The following POT1 variants were observed in gnomAD, a reference collection of about 807,000 sequenced individuals.
POT1 encodes protection of telomeres 1.
A neutral mutation model predicts 78.5 loss-of-function variants in POT1; 47 were observed. That is an observed-to-expected ratio of 0.60 (90% confidence interval 0.47 to 0.76). The LOEUF (loss-of-function observed/expected upper bound fraction) is 0.76, where lower values mean the gene tolerates loss of function less well. Ranked by LOEUF, POT1 falls within the 30% of genes least tolerant of loss-of-function variation. The pLI, the probability that POT1 is intolerant of heterozygous loss-of-function variation, is 0.00. For synonymous variants in POT1, 259 were observed against 260.7 expected, an observed-to-expected ratio of 0.99 and a Z score of 0.06; for missense variants, 646 against 749.9, an observed-to-expected ratio of 0.86 and a Z score of 1.62.
chr7:124,835,417 G>A lies in POT1; in HGVS notation c.1370-3C>T. On this transcript the variant is annotated splice_region_variant and splice_polypyrimidine_tract_variant and intron_variant, in intron 14 of 18. Transcript: ENST00000357628. The stretch of plus-strand genomic sequence containing the variant: ...GCAAATTTCACTGAGTGTACCTCCT[G>A]TTAAGAGAATAAATAAATCCTTCAA... The A allele has an allele frequency of 6.2e-7, 1 of 1,609,470 alleles. No homozygotes were observed. The highest frequency in any genetic ancestry group is 8.5e-7 in the Non-Finnish European group (1 of 1,175,924).
intron 2 of POT1, among the ~76,000 whole-genome samples, chr7:124,920,249 A>C (rs1183936705): frequency 6.6e-6 from 1 of 152,168 alleles, no homozygotes; most frequent in Admixed American, 6.5e-5. Context: ...TAATCACCAA[A>C]AGAAAGAAAT....
intron 7 of POT1, among the ~76,000 whole-genome samples, chr7:124,868,678 G>A (rs988465880): frequency 2.0e-5 from 3 of 149,750 alleles, no homozygotes; most frequent in African/African-American, 7.3e-5. Flanking sequence ...ATAATCCTAA[G>A]GAATTGGATT....
At chr7:124,864,495 T>G (rs1396788020) in intron 7 of POT1, among the ~76,000 whole-genome samples, 1 of 152,116 alleles carries the variant, frequency 6.6e-6, no homozygotes, top group Non-Finnish European at 1.5e-5. Context: ...GCTTTTTTGC[T>G]TCTTTGCTTT....
At chr7:124,914,693 T>C (rs957612256) in intron 3 of POT1, among the ~76,000 whole-genome samples, 6 of 152,204 alleles carry the variant, frequency 3.9e-5, no homozygotes, top group African/African-American at 1.4e-4. Flanking sequence ...TTAGATAGCA[T>C]GGACATTGCA....
At chr7:124,912,760 A>T (rs1796921148) in intron 3 of POT1, among the ~76,000 whole-genome samples, 1 of 152,104 alleles carries the variant, frequency 6.6e-6, no homozygotes. Flanking sequence ...GGAAGCACAG[A>T]TGTATTCAGA....
chr7:124,869,305 C>T (rs1187432233), intron 7 of POT1, among the ~76,000 whole-genome samples: 1 of 152,104 alleles, frequency 6.6e-6, no homozygotes, highest in African/African-American at 2.4e-5. Context: ...CTCTTTACTC[C>T]TGTAGCAGGA....
rs59045238 is a variant in POT1, at chr7:124,863,939, T to C, written c.256-299A>G. ...TATCAAGCTTGCAGTTTTACATTTA[T>C]TAGTTTTTTTATTAAGGTGTAATTT... On this transcript the variant is annotated intron_variant, in intron 7 of 18. Coordinates refer to ENST00000357628, the MANE Select transcript of POT1 (RefSeq NM_015450.3). Among the ~76,000 whole-genome samples, 6,776 of 152,178 alleles carry C rather than the reference T, an allele frequency of 0.045. 380 individuals are homozygous for C. The highest frequency in any genetic ancestry group is 0.13 in the African/African-American group (5,204 of 41,508).
At chr7:124,885,374 G>A (rs1796218749) in intron 6 of POT1, among the ~76,000 whole-genome samples, 1 of 151,950 alleles carries the variant, frequency 6.6e-6, no homozygotes, top group African/African-American at 2.4e-5. Flanking sequence ...TAGGGAGGCT[G>A]AGGTGGGAGG....
At position 124,870,981 on chromosome 7, in the gene POT1, A is replaced by C. The variant is rs1795853782; in HGVS notation, c.185T>G (p.Phe62Cys). The C allele has an allele frequency of 1.2e-6, 2 of 1,610,684 alleles. No homozygotes were observed. Among genetic ancestry groups the C allele is most frequent in the Admixed American group, 1.7e-5 (1 of 59,818 alleles). The change falls in exon 7 of 19, where the codon TTT becomes TGT. Residue 62 changes from phenylalanine to cysteine, a missense_variant. By Grantham distance (205) the Phe-to-Cys change is radical. This residue lies in a region of POT1 where 252 missense variants were observed against 341.4 expected (regional missense o/e 0.74). Transcript: ENST00000357628. Reference protein sequence around the residue: ...QTNVKLTCLLFSGNYEALPII... With the variant: ...QTNVKLTCLLCSGNYEALPII... ...TGGAAGGGCTTCATAGTTTCCACTAAAGAGCAGGCAAGTTAGTTTTACATT... is the reference window on the plus strand; with the variant it reads ...TGGAAGGGCTTCATAGTTTCCACTACAGAGCAGGCAAGTTAGTTTTACATT...
chr7:124,860,004 T>C (rs1795548133), intron 8 of POT1, among the ~76,000 whole-genome samples: 1 of 152,152 alleles, frequency 6.6e-6, no homozygotes, highest in African/African-American at 2.4e-5. Flanking sequence ...AATATTAATA[T>C]TGTGCCCAGG....
chr7:124,884,269 C>T (rs902347595), intron 6 of POT1, among the ~76,000 whole-genome samples: 2 of 152,088 alleles, frequency 1.3e-5, no homozygotes, highest in African/African-American at 4.8e-5. Context: ...CATATCCTAG[C>T]ATCCTATCCC....
chr7:124,878,700 T>C (rs1796047974), intron 6 of POT1, among the ~76,000 whole-genome samples: 1 of 152,148 alleles, frequency 6.6e-6, no homozygotes, highest in Non-Finnish European at 1.5e-5. Context: ...GGCGCAGTTT[T>C]ATTATTAATA....
intron 15 of POT1, among the ~76,000 whole-genome samples, chr7:124,832,244 A>T (rs1049177489): frequency 4.7e-5 from 5 of 106,182 alleles, no homozygotes; most frequent in Non-Finnish European, 9.5e-5. Context: ...TCAGAATGAC[A>T]CTGTCTCCAA....
chr7:124,846,359 C>A (rs10264060), intron 12 of POT1, among the ~76,000 whole-genome samples: 35,328 of 152,024 alleles, frequency 0.23, 4,363 homozygotes, highest in East Asian at 0.3. Flanking sequence ...TGTTATCTTC[C>A]TTCTCCAATT....
At chr7:124,888,020 A>G (rs1207247279) in intron 6 of POT1, among the ~76,000 whole-genome samples, 2 of 152,104 alleles carry the variant, frequency 1.3e-5, no homozygotes, top group African/African-American at 2.4e-5. Context: ...CAGTTCATAT[A>G]TATGTATATA....
chr7:124,863,125 A>T (rs1452770556), intron 8 of POT1, among the ~76,000 whole-genome samples: 1 of 152,040 alleles, frequency 6.6e-6, no homozygotes, highest in Non-Finnish European at 1.5e-5. Context: ...TATATTTAAC[A>T]TGTAGATCTA....
intron 16 of POT1, 127 bp from the exon 17 acceptor site, chr7:124,827,432 G>C: frequency 6.6e-6 from 3 of 454,728 alleles, no homozygotes; most frequent in Non-Finnish European, 1.1e-5. Context: ...AAGATACAAA[G>C]AAAAACTTGG....
chr7:124,845,121 T>C (rs1562983334), intron 12 of POT1, among the ~76,000 whole-genome samples: 1 of 152,216 alleles, frequency 6.6e-6, no homozygotes, highest in Non-Finnish European at 1.5e-5. Flanking sequence ...TTTTCAACAT[T>C]AGAACATTTA....
intron 9 of POT1, among the ~76,000 whole-genome samples, chr7:124,858,381 C>T (rs988039372): frequency 2.0e-5 from 3 of 152,132 alleles, no homozygotes; most frequent in Non-Finnish European, 4.4e-5. Flanking sequence ...AAATTCCCTA[C>T]AATTTTTGTT....
Sources: allele counts gnomAD v4.1 joint callset (sites outside exome capture counted in the v4.1 genomes callset), GRCh38; gene constraint gnomAD v4.1.1; regional missense constraint gnomAD v4.1.1; transcripts MANE v1.5; gene names NCBI Gene and HGNC (gene_info 2026-07-23, HGNC 2026-07-21).